MAPKAP1: variants seen among roughly 807,000 people sequenced by gnomAD.
The protein encoded by MAPKAP1 is MAPK associated protein 1.
In MAPKAP1, 20 loss-of-function variants were observed where a neutral mutation model predicts 65.7. The ratio of observed to expected loss-of-function variants is 0.30; its 90% CI spans 0.21 to 0.44. MAPKAP1 has a LOEUF of 0.44. Ranked by LOEUF, MAPKAP1 falls within the 20% of genes least tolerant of loss-of-function variation. MAPKAP1 has a pLI of 1.00. For missense variants in MAPKAP1, 423 were observed against 648.0 expected (o/e 0.65, Z 3.77); for synonymous variants, 222 against 244.3 (o/e 0.91, Z 0.85).
At chr9:125,575,234 C>G (rs1831358208) in intron 5 of MAPKAP1, among the ~76,000 whole-genome samples, 1 of 152,080 alleles carries the variant, frequency 6.6e-6, no homozygotes, top group East Asian at 1.9e-4. Context: ...TAGGGACATG[C>G]ACCTGTAGTT....
At chr9:125,444,650 G>A (rs1852631746) in intron 10 of MAPKAP1, 52 bp from the exon 11 acceptor site, 4 of 1,305,994 alleles carry the variant, frequency 3.1e-6, no homozygotes, top group Admixed American at 1.8e-5. Flanking sequence ...AACTATGGCG[G>A]GGGCCTCCAT....
At chr9:125,637,268 C>CA (rs1833451351) in intron 4 of MAPKAP1, among the ~76,000 whole-genome samples, 1 of 150,306 alleles carries the variant, frequency 6.7e-6, no homozygotes, top group Non-Finnish European at 1.5e-5. Context: ...GACTCTGTCT[C>CA]AAAAAAATAA....
At position 125,532,322 on chromosome 9, in the gene MAPKAP1, A is replaced by G. The variant is rs1337691214; in HGVS notation, c.958+10737T>C. On this transcript the variant is annotated intron_variant, in intron 7 of 11. Coordinates refer to ENST00000265960, the MANE Select transcript of MAPKAP1 (RefSeq NM_001006617.3). ...CAAAAATACCTGGAATACAATAAGT[A>G]TTCAGTAGATGTAATCAAAATGGAA... Among the ~76,000 whole-genome samples the G allele has an allele frequency of 3.3e-5, 5 of 152,372 alleles. No individual in the cohort carries two copies. In the East Asian group the frequency reaches 9.6e-4, roughly 29 times the overall value.
intron 9 of MAPKAP1, among the ~76,000 whole-genome samples, chr9:125,478,471 G>GT (rs141159170): frequency 0.013 from 1,942 of 152,256 alleles, 23 homozygotes; most frequent in Middle Eastern, 0.034. Context: ...AGGACCACAG[G>GT]TATGCGCCAC....
At chr9:125,625,257 A>AAAAAAAAAAAAAAAAAAAAAAAAAT (rs1833077956) in intron 4 of MAPKAP1, among the ~76,000 whole-genome samples, 3 of 64,046 alleles carry the variant, frequency 4.7e-5, no homozygotes, top group African/African-American at 6.2e-5. Flanking sequence ...TAAATAAATA[A>AAAAAAAAAAAAAAAAAAAAAAAAAT]AAAAAAAAAA....
intron 7 of MAPKAP1, among the ~76,000 whole-genome samples, chr9:125,538,210 T>C (rs1023952870): frequency 6.6e-6 from 1 of 152,194 alleles, no homozygotes; most frequent in Non-Finnish European, 1.5e-5. Context: ...CTCTCTTTGG[T>C]TGCTGTGTAA....
At chr9:125,465,886 A>G (rs1290525136) in intron 10 of MAPKAP1, among the ~76,000 whole-genome samples, 1 of 152,130 alleles carries the variant, frequency 6.6e-6, no homozygotes, top group African/African-American at 2.4e-5. Context: ...AAATGTTTGT[A>G]AGTTAGAGAG....
intron 1 of MAPKAP1, among the ~76,000 whole-genome samples, chr9:125,680,723 G>T (rs115026964): frequency 2.0e-5 from 3 of 152,166 alleles, no homozygotes; most frequent in Non-Finnish European, 2.9e-5. Flanking sequence ...ATGAAAAATT[G>T]TATAAATACT....
intron 4 of MAPKAP1, among the ~76,000 whole-genome samples, chr9:125,629,054 A>AACACACACACACACACAC (rs71374284): frequency 4.2e-4 from 62 of 147,482 alleles, no homozygotes; most frequent in African/African-American, 1.4e-3. Context: ...TCACTGTCAA[A>AACACACACACACACACAC]ACACACACAC....
intron 5 of MAPKAP1, among the ~76,000 whole-genome samples, chr9:125,572,721 T>G (rs537689804): frequency 3.7e-4 from 57 of 152,342 alleles, no homozygotes; most frequent in African/African-American, 1.3e-3. Flanking sequence ...CCATATCGGC[T>G]TAGTTCCAAC....
intron 3 of MAPKAP1, among the ~76,000 whole-genome samples, chr9:125,659,091 C>A (rs1804949415): frequency 6.6e-6 from 1 of 152,128 alleles, no homozygotes; most frequent in South Asian, 2.1e-4. Context: ...AGGAATTAGA[C>A]TATAATTCAA....
chr9:125,484,627 T>C, intron 8 of MAPKAP1, 44 bp from the exon 9 acceptor site: 4 of 1,559,924 alleles, frequency 2.6e-6, no homozygotes, highest in Non-Finnish European at 3.5e-6. Flanking sequence ...TACATGAGGC[T>C]TGGCAAATGG....
Position 125,693,732 on chromosome 9 carries a change from T to C in MAPKAP1, c.-70+13239A>G, listed in dbSNP as rs868241263. 3.0e-3 allele frequency among the ~76,000 whole-genome samples: 378 copies of C among 125,316 alleles called. 10 individuals carry two copies. Among genetic ancestry groups the C allele is most frequent in the African/African-American group, 5.7e-3 (128 of 22,608 alleles). 82.2% of individuals were successfully genotyped at this position (125,316 alleles called of 152,430 possible). ...ACACATATATACACGTATATACACA[T>C]ATATACACGTATATATACACATATA... is the stretch of plus-strand genomic sequence containing the variant. On this transcript the variant is annotated intron_variant, in intron 1 of 11. Coordinates refer to ENST00000265960, the MANE Select transcript of MAPKAP1 (RefSeq NM_001006617.3).
intron 4 of MAPKAP1, among the ~76,000 whole-genome samples, chr9:125,598,497 C>A (rs1355321934): frequency 6.6e-6 from 1 of 152,158 alleles, no homozygotes; most frequent in Non-Finnish European, 1.5e-5. Context: ...GCCACTCTTT[C>A]TTTAACAAGG....
intron 5 of MAPKAP1, among the ~76,000 whole-genome samples, chr9:125,581,182 G>A (rs1831613204): frequency 6.6e-6 from 1 of 152,232 alleles, no homozygotes; most frequent in Non-Finnish European, 1.5e-5. Context: ...AGGTTTTTAT[G>A]TGAATGTAAG....
At chr9:125,580,288 A>G (rs1831577596) in intron 5 of MAPKAP1, among the ~76,000 whole-genome samples, 1 of 152,206 alleles carries the variant, frequency 6.6e-6, no homozygotes, top group East Asian at 1.9e-4. Context: ...AATCAACTCA[A>G]ATGTCCATCA....
At chr9:125,585,047 C>T (rs1437078585) in intron 5 of MAPKAP1, among the ~76,000 whole-genome samples, 3 of 152,108 alleles carry the variant, frequency 2.0e-5, no homozygotes, top group East Asian at 1.9e-4. Flanking sequence ...AATGCAAAAA[C>T]CTTGGCATCA....
chr9:125,688,384 G>A (rs545842262), intron 1 of MAPKAP1, among the ~76,000 whole-genome samples: 131 of 152,086 alleles, frequency 8.6e-4, no homozygotes, highest in South Asian at 2.7e-3. Flanking sequence ...GTGATCTGCC[G>A]GCCTCGGCCT....
At position 125,453,267 on chromosome 9, in the gene MAPKAP1, T is replaced by C. The variant is rs137944581; in HGVS notation, c.1346-8669A>G. On this transcript the variant is annotated intron_variant, in intron 10 of 11. Coordinates refer to ENST00000265960, the MANE Select transcript of MAPKAP1 (RefSeq NM_001006617.3). ...AGACAATAGAGATGGAGTTTCGCCATGCTGGCAAGGCTGGTCTCGTACTCC... is the reference window on the plus strand; with the variant it reads ...AGACAATAGAGATGGAGTTTCGCCACGCTGGCAAGGCTGGTCTCGTACTCC... Among the ~76,000 whole-genome samples, 356 of 152,370 alleles carry C rather than the reference T, an allele frequency of 2.3e-3. 1 individual carries two copies. The highest frequency in any genetic ancestry group is 5.1e-3 in the Admixed American group (78 of 15,310).
Sources: gnomAD v4.1 joint callset for allele counts (sites outside exome capture counted in the v4.1 genomes callset) on GRCh38, gnomAD v4.1.1 for gene constraint, MANE v1.5 for transcripts, NCBI Gene and HGNC (gene_info 2026-07-23, HGNC 2026-07-21) for gene names.